WDFY3: variants seen among roughly 807,000 people sequenced by gnomAD.
The protein encoded by WDFY3 is WD repeat and FYVE domain-containing protein 3.
WDFY3 carries 66 observed loss-of-function variants against 409.6 expected under a neutral mutation model. The observed-to-expected ratio is 0.16, with a 90% CI of 0.13 to 0.20. WDFY3 has a LOEUF of 0.20. WDFY3 is among the 10% of genes least tolerant of loss of function. The pLI is 1.00. For synonymous variants in WDFY3, 1,521 were observed against 1,537.1 expected, an observed-to-expected ratio of 0.99 and a Z score of 0.25; for missense variants, 3,031 against 4,298.1, an observed-to-expected ratio of 0.71 and a Z score of 8.24.
Position 84,726,861 on chromosome 4 carries a change from C to T in WDFY3, c.7272G>A (p.Lys2424=). 1 of 1,599,568 alleles carries T rather than the reference C, an allele frequency of 6.3e-7. No individual in the cohort carries two copies. Among genetic ancestry groups the T allele is most frequent in the Non-Finnish European group, 8.5e-7 (1 of 1,175,892 alleles). The part of the protein sequence containing the change: ...QPETPDDIPQ[K]KPARYRRAVS... Reference sequence around the variant, plus strand: ...TCTTTTACTGTAATTTGTGTTTTACCTTTTGAGGAATATCATCGGGTGTCT... The same window carrying T: ...TCTTTTACTGTAATTTGTGTTTTACTTTTTGAGGAATATCATCGGGTGTCT... Residue 2424 remains lysine, a splice_region_variant and synonymous_variant, in exon 45 of 68, where the codon AAG becomes AAA. Coordinates refer to ENST00000295888, the MANE Select transcript of WDFY3 (RefSeq NM_014991.6).
At chr4:84,755,555 C>A (rs1033688003) in intron 33 of WDFY3, among the ~76,000 whole-genome samples, 155 bp from the exon 34 acceptor site, 38 of 152,210 alleles carry the variant, frequency 2.5e-4, no homozygotes, top group African/African-American at 8.9e-4. Flanking sequence ...ACCCTTCCAT[C>A]CTACATTTTA....
At chr4:84,736,422 A>G (rs370490784) in intron 41 of WDFY3, 95 bp from the exon 42 acceptor site, 4 of 1,140,926 alleles carry the variant, frequency 3.5e-6, no homozygotes, top group Non-Finnish European at 2.4e-6. Flanking sequence ...ACAACCCTGT[A>G]GTTAACAAAA....
intron 54 of WDFY3, 115 bp downstream of exon 54, chr4:84,705,279 A>ATC (rs1186113230): frequency 1.2e-5 from 9 of 774,306 alleles, no homozygotes; most frequent in Non-Finnish European, 2.0e-5. Context: ...CATATAATAC[A>ATC]TATAGATATG....
chr4:84,900,911 G>C (rs1561036693), intron 2 of WDFY3, among the ~76,000 whole-genome samples: 1 of 152,220 alleles, frequency 6.6e-6, no homozygotes. Context: ...CAGAATACAT[G>C]AAACTGGGTA....
rs1736899139 is a variant in WDFY3, at chr4:84,733,243, G to A, written c.7221+139C>T. 5 of 958,322 alleles carry A rather than the reference G, an allele frequency of 5.2e-6. No homozygotes were observed. In the Admixed American group the frequency reaches 9.3e-5, roughly 18 times the overall value. The allele number at this position is 958,322 out of a possible 1,614,324, so 59.4% of individuals were successfully genotyped here. A position where few individuals can be genotyped will look rare whatever the true frequency, so the allele number is the denominator to read the frequency against. ...CATCTTTTCACTCCACCTCCACTCT[G>A]AAGTTATCAATTTAATAGCGTATGT... is the stretch of plus-strand genomic sequence containing the variant. On this transcript the variant is annotated intron_variant, in intron 44 of 67. Transcript: ENST00000295888.
chr4:84,787,458 A>G (rs1168074173), intron 23 of WDFY3, 24 bp downstream of exon 23: 1 of 1,602,034 alleles, frequency 6.2e-7, no homozygotes, highest in Non-Finnish European at 8.5e-7. Flanking sequence ...ATACAACTTC[A>G]AGAACTAAAA....
In WDFY3 at chr4:84,724,351, T is replaced by C. The variant is rs1735315290; in HGVS notation, c.7441+75A>G. The C allele has an allele frequency of 2.0e-6, 3 of 1,520,760 alleles. No individual in the cohort carries two copies. In the Admixed American group the frequency reaches 6.3e-5, roughly 32 times the overall value. 94.2% of individuals were successfully genotyped at this position (1,520,760 alleles called of 1,614,324 possible). A position where few individuals can be genotyped will look rare whatever the true frequency, so the allele number is the denominator to read the frequency against. ...AGTTGGCCCTACTATTTATAGTTGC[T>C]CAAATTTTTGTATGAATTCAAATAC... On this transcript the variant is annotated intron_variant, in intron 46 of 67. Coordinates refer to ENST00000295888, the MANE Select transcript of WDFY3 (RefSeq NM_014991.6).
In WDFY3 at chr4:84,737,620, G is replaced by T. The variant is rs1433331381; in HGVS notation, c.6575-254C>A. ...AAGAACATTTTTATTTATAAAATTG[G>T]AAATTATATATATGTAATTAACTAA... On this transcript the variant is annotated intron_variant, in intron 40 of 67. Coordinates refer to ENST00000295888, the MANE Select transcript of WDFY3 (RefSeq NM_014991.6). Among the ~76,000 whole-genome samples, 3 of 151,782 alleles carry T rather than the reference G, an allele frequency of 2.0e-5. No homozygotes were observed. The East Asian group carries it at 5.8e-4, about 29-fold the overall frequency.
At chr4:84,811,498 T>C (rs996672656) in intron 13 of WDFY3, among the ~76,000 whole-genome samples, 5 of 152,004 alleles carry the variant, frequency 3.3e-5, no homozygotes, top group Admixed American at 6.6e-5. Flanking sequence ...CCAAAGACTA[T>C]ACAACTTATA....
intron 16 of WDFY3, among the ~76,000 whole-genome samples, chr4:84,802,117 T>C (rs1216823645): frequency 6.6e-6 from 1 of 151,748 alleles, no homozygotes; most frequent in Admixed American, 6.6e-5. Flanking sequence ...CCAGTTAACT[T>C]TTGTATTTTT....
intron 54 of WDFY3, 36 bp downstream of exon 54, chr4:84,705,358 T>G (rs779048951): frequency 6.4e-7 from 1 of 1,560,780 alleles, no homozygotes; most frequent in South Asian, 1.1e-5. Context: ...TTTTGAAACT[T>G]GGGTACAAAG....
chr4:84,843,439 T>A (rs1757656675), intron 5 of WDFY3, among the ~76,000 whole-genome samples: 1 of 152,186 alleles, frequency 6.6e-6, no homozygotes, highest in African/African-American at 2.4e-5. Context: ...CTCACTCTAT[T>A]GTCCAGGCTG....
chr4:84,850,169 T>C (rs1040694376), intron 4 of WDFY3, 144 bp from the exon 5 acceptor site: 10 of 793,902 alleles, frequency 1.3e-5, no homozygotes, highest in Non-Finnish European at 1.7e-5. Context: ...ATGTTGAAAA[T>C]ACAACGCTTT....
intron 26 of WDFY3, among the ~76,000 whole-genome samples, chr4:84,779,686 G>A (rs1746177808): frequency 6.6e-6 from 1 of 152,148 alleles, no homozygotes; most frequent in Non-Finnish European, 1.5e-5. Flanking sequence ...GGTGTGAGGT[G>A]GAGGGGAGAG....
At chr4:84,742,341 C>T (rs1232372693) in intron 37 of WDFY3, among the ~76,000 whole-genome samples, 1 of 152,174 alleles carries the variant, frequency 6.6e-6, no homozygotes, top group Non-Finnish European at 1.5e-5. Context: ...AGTGAAGTAA[C>T]ACAGACAGAA....
At chr4:84,920,105 CTG>C (rs1435394773) in intron 2 of WDFY3, among the ~76,000 whole-genome samples, 1 of 152,020 alleles carries the variant, frequency 6.6e-6, no homozygotes, top group African/African-American at 2.4e-5. Flanking sequence ...GAAAGGATGA[CTG>C]TGTACTTTTA....
At chr4:84,863,908 T>C (rs1178337068) in intron 3 of WDFY3, among the ~76,000 whole-genome samples, 2 of 152,164 alleles carry the variant, frequency 1.3e-5, no homozygotes, top group Non-Finnish European at 2.9e-5. Flanking sequence ...ATATGTCTGT[T>C]TTCATGCCAG....
chr4:84,675,740 G>A (rs1311511967), intron 67 of WDFY3, among the ~76,000 whole-genome samples: 1 of 152,048 alleles, frequency 6.6e-6, no homozygotes, highest in African/African-American at 2.4e-5. Context: ...CTGGAGTAAG[G>A]CAATATAAGC....
intron 10 of WDFY3, among the ~76,000 whole-genome samples, chr4:84,822,706 T>C (rs1014552025): frequency 6.6e-6 from 1 of 152,110 alleles, no homozygotes; most frequent in African/African-American, 2.4e-5. Context: ...AAAGCAATCC[T>C]GTCTGTAAAA....
Sources: gnomAD v4.1 joint callset for allele counts (sites outside exome capture counted in the v4.1 genomes callset) on GRCh38, gnomAD v4.1.1 for gene constraint, MANE v1.5 for transcripts, NCBI Gene and HGNC (gene_info 2026-07-23, HGNC 2026-07-21) for gene names.